Variants in DIAPH2 observed in about 807,000 individuals in gnomAD.
DIAPH2 encodes diaphanous related formin 2.
Under a neutral mutation model 92.7 loss-of-function variants are expected in DIAPH2, and 35 were observed. The ratio of observed to expected loss-of-function variants is 0.38; its 90% CI spans 0.29 to 0.50. DIAPH2 has a LOEUF of 0.50. Ranked by LOEUF, DIAPH2 falls within the 20% of genes least tolerant of loss-of-function variation. DIAPH2 has a pLI of 0.94. For missense variants in DIAPH2, 701 were observed against 819.5 expected, an observed-to-expected ratio of 0.86 and a Z score of 1.77; for synonymous variants, 301 against 280.4, an observed-to-expected ratio of 1.07 and a Z score of -0.73.
intron 21 of DIAPH2, among the ~76,000 whole-genome samples, chrX:97,138,836 AG>A (rs777199017): frequency 3.6e-5 from 4 of 111,334 alleles, no homozygotes; most frequent in Admixed American, 9.6e-5. Context: ...AAACACATAC[AG>A]GGATGCAAAA....
rs748501203 is a variant in DIAPH2 at position 97,171,939 on chromosome X, C to CAA, written c.2719+30157_2719+30158dup. On this transcript the variant is annotated intron_variant, in intron 22 of 26. Coordinates refer to ENST00000324765, the MANE Select transcript of DIAPH2 (RefSeq NM_006729.5). ...CGGGCAACAGAGCAAGACTCCGTCT[C>CAA]AAAAAAAAAAAAAGAGTAACTTTCC... Among the ~76,000 whole-genome samples, 26 of 88,708 alleles carry CAA rather than the reference C, an allele frequency of 2.9e-4. 1 individual carries two copies. The highest frequency in any genetic ancestry group is 6.1e-4 in the African/African-American group (15 of 24,565). 77.0% of individuals were successfully genotyped at this position (88,708 alleles called of 115,157 possible). A position where few individuals can be genotyped will look rare whatever the true frequency, so the allele number is the denominator to read the frequency against.
chrX:96,713,192 T>A (rs997440852), intron 1 of DIAPH2, among the ~76,000 whole-genome samples: 1 of 112,029 alleles, frequency 8.9e-6, no homozygotes, highest in African/African-American at 3.2e-5. Context: ...TGTGTACCTT[T>A]GTTCCTAATT....
chrX:97,481,873 CATT>C (rs1323210817), intron 26 of DIAPH2, among the ~76,000 whole-genome samples: 2 of 111,956 alleles, frequency 1.8e-5, no homozygotes, highest in Non-Finnish European at 3.8e-5. Flanking sequence ...CACAACTCAT[CATT>C]ATTTGACTAA....
At chrX:97,087,401 A>C (rs2147349504) in intron 19 of DIAPH2, among the ~76,000 whole-genome samples, 1 of 111,930 alleles carries the variant, frequency 8.9e-6, no homozygotes, top group African/African-American at 3.2e-5. Flanking sequence ...AAAGCAAAGA[A>C]GGTGTCTGCT....
intron 24 of DIAPH2, among the ~76,000 whole-genome samples, chrX:97,349,385 A>G (rs964426781): frequency 7.2e-5 from 8 of 111,486 alleles, no homozygotes; most frequent in Admixed American, 6.7e-4. Flanking sequence ...ACCTCTAGCA[A>G]TAATCCCCAA....
chrX:97,153,760 A>C (rs980000434), intron 22 of DIAPH2, among the ~76,000 whole-genome samples: 2 of 111,538 alleles, frequency 1.8e-5, no homozygotes, highest in Admixed American at 1.9e-4. Context: ...ATGAAGGCTC[A>C]TGTTATTTTA....
chrX:97,228,239 T>A (rs2147523738), intron 22 of DIAPH2, among the ~76,000 whole-genome samples: 1 of 111,616 alleles, frequency 9.0e-6, no homozygotes, highest in Admixed American at 9.6e-5. Flanking sequence ...CCCCTGATTT[T>A]ATATTAGAAA....
chrX:97,159,107 T>G (rs2067346013), intron 22 of DIAPH2, among the ~76,000 whole-genome samples: 1 of 111,859 alleles, frequency 8.9e-6, no homozygotes, highest in East Asian at 2.8e-4. Context: ...AACAAAAATT[T>G]TATTATAGTC....
chrX:97,389,514 T>C (rs1380992825), intron 25 of DIAPH2, among the ~76,000 whole-genome samples: 4 of 105,535 alleles, frequency 3.8e-5, no homozygotes, highest in Non-Finnish European at 7.8e-5. Flanking sequence ...GTTCTGAGAA[T>C]GTAATCTTTC....
At chrX:97,407,620 A>G (rs932954108) in intron 25 of DIAPH2, among the ~76,000 whole-genome samples, 2 of 112,364 alleles carry the variant, frequency 1.8e-5, no homozygotes, top group East Asian at 2.8e-4. Flanking sequence ...TGTTCCAAGA[A>G]GAGACATAGT....
chrX:97,532,936 T>C (rs138422153), intron 26 of DIAPH2, among the ~76,000 whole-genome samples: 1,496 of 111,781 alleles, frequency 0.013, 15 homozygotes, highest in Non-Finnish European at 0.016. Context: ...CTGTAATTAG[T>C]CAAATTTAAT....
At chrX:97,049,626 A>G (rs1454676002) in intron 17 of DIAPH2, among the ~76,000 whole-genome samples, 1 of 111,448 alleles carries the variant, frequency 9.0e-6, no homozygotes. Flanking sequence ...TGAAGAAACT[A>G]ATTTCTACAT....
chrX:96,892,065 G>C (rs755985176), intron 5 of DIAPH2, among the ~76,000 whole-genome samples: 2 of 111,659 alleles, frequency 1.8e-5, no homozygotes, highest in East Asian at 5.6e-4. Context: ...TACAAATTAG[G>C]ACTAGAAAGC....
At chrX:97,131,553 TA>T (rs963275276) in intron 21 of DIAPH2, among the ~76,000 whole-genome samples, 8 of 110,247 alleles carry the variant, frequency 7.3e-5, no homozygotes, top group Admixed American at 1.9e-4. Flanking sequence ...GCTATGTACA[TA>T]AAAAAAAATA....
At chrX:97,008,055 C>T (rs1230913569) in intron 17 of DIAPH2, among the ~76,000 whole-genome samples, 2 of 100,387 alleles carry the variant, frequency 2.0e-5, no homozygotes, top group Non-Finnish European at 4.0e-5. Context: ...AGCCACTGTG[C>T]CTGGCCTTAA....
At chrX:97,095,412 G>A (rs2066861667) in intron 19 of DIAPH2, among the ~76,000 whole-genome samples, 1 of 107,513 alleles carries the variant, frequency 9.3e-6, no homozygotes. Flanking sequence ...CACCGCGCCC[G>A]GCCAAGGAGA....
chrX:97,001,052 C>G (rs2066140278), intron 17 of DIAPH2, among the ~76,000 whole-genome samples: 1 of 111,909 alleles, frequency 8.9e-6, no homozygotes, highest in Admixed American at 9.5e-5. Flanking sequence ...TGAGTGGAGC[C>G]TTTCATTTTC....
At chrX:97,522,153 G>A (rs944937405) in intron 26 of DIAPH2, among the ~76,000 whole-genome samples, 2 of 111,789 alleles carry the variant, frequency 1.8e-5, no homozygotes, top group South Asian at 3.8e-4. Flanking sequence ...CAGAACTTAC[G>A]TCCTCTAGTA....
At chrX:97,171,027 C>T (rs1249665696) in intron 22 of DIAPH2, among the ~76,000 whole-genome samples, 1 of 110,832 alleles carries the variant, frequency 9.0e-6, no homozygotes, top group Non-Finnish European at 1.9e-5. Context: ...CAGGCACGCA[C>T]CACCACACCC....
Sources: allele counts gnomAD v4.1 joint callset (sites outside exome capture counted in the v4.1 genomes callset), GRCh38; gene constraint gnomAD v4.1.1; transcripts MANE v1.5; gene names NCBI Gene and HGNC (gene_info 2026-07-23, HGNC 2026-07-21).